The following RBFOX1 variants were observed in gnomAD, a reference collection of about 807,000 sequenced individuals.
RBFOX1 encodes RNA binding protein fox-1 homolog 1.
RBFOX1 carries 8 observed loss-of-function variants against 57.7 expected under a neutral mutation model. The observed-to-expected ratio is 0.14, with a 90% CI of 0.08 to 0.25. The LOEUF (loss-of-function observed/expected upper bound fraction) is 0.25, where lower values mean the gene tolerates loss of function less well. Among genes scored for constraint, RBFOX1 ranks in the 10% least tolerant of loss-of-function variants. The pLI, the probability that RBFOX1 is intolerant of heterozygous loss-of-function variation, is 1.00. For synonymous variants in RBFOX1, 326 were observed against 222.4 expected (o/e 1.47, Z -4.15); for missense variants, 611 against 548.5 (o/e 1.11, Z -1.14).
intron 3 of RBFOX1, among the ~76,000 whole-genome samples, chr16:5,650,627 A>G (rs1047383914): frequency 2.0e-5 from 3 of 152,330 alleles, no homozygotes; most frequent in Middle Eastern, 3.4e-3. Flanking sequence ...CCAGCTGCTT[A>G]GATAAACACC....
chr16:5,246,682 T>C (rs565911649), intron 1 of RBFOX1, among the ~76,000 whole-genome samples: 1 of 152,128 alleles, frequency 6.6e-6, no homozygotes, highest in Admixed American at 6.5e-5. Flanking sequence ...TCTTTCTTTT[T>C]TTTTTTTTGA....
intron 10 of RBFOX1, among the ~76,000 whole-genome samples, chr16:7,613,483 G>T (rs1189071966): frequency 2.0e-5 from 3 of 152,138 alleles, no homozygotes; most frequent in African/African-American, 7.2e-5. Flanking sequence ...CCTGGCCACG[G>T]ATCACATGAC....
At chr16:5,283,128 C>G (rs1183561132) in intron 1 of RBFOX1, among the ~76,000 whole-genome samples, 1 of 152,200 alleles carries the variant, frequency 6.6e-6, no homozygotes, top group Non-Finnish European at 1.5e-5. Flanking sequence ...GCAGCTTTCA[C>G]ATAGTGTTGA....
chr16:6,596,234 G>C (rs990849479), intron 2 of RBFOX1, among the ~76,000 whole-genome samples: 1 of 152,048 alleles, frequency 6.6e-6, no homozygotes, highest in Non-Finnish European at 1.5e-5. Context: ...TCTGGGAGTT[G>C]TATAGTATTA....
chr16:6,673,153 C>T (rs189647931), intron 3 of RBFOX1, among the ~76,000 whole-genome samples: 2 of 152,192 alleles, frequency 1.3e-5, no homozygotes, highest in East Asian at 1.9e-4. Context: ...TCAGTGATGT[C>T]TACACTTCCC....
intron 4 of RBFOX1, among the ~76,000 whole-genome samples, chr16:7,210,885 G>A (rs973848988): frequency 6.6e-6 from 1 of 151,698 alleles, no homozygotes; most frequent in Non-Finnish European, 1.5e-5. Context: ...TTTGCCAAAA[G>A]GGTAGATTCT....
intron 1 of RBFOX1, among the ~76,000 whole-genome samples, chr16:6,237,039 T>C (rs1224336957): frequency 6.6e-6 from 1 of 152,190 alleles, no homozygotes; most frequent in African/African-American, 2.4e-5. Flanking sequence ...GAATGTTTAA[T>C]GCAGATAATT....
At chr16:5,345,979 A>G (rs954422222) in intron 1 of RBFOX1, among the ~76,000 whole-genome samples, 9 of 152,170 alleles carry the variant, frequency 5.9e-5, no homozygotes, top group African/African-American at 2.2e-4. Flanking sequence ...TGCTTCCCCC[A>G]TGCTCATGGA....
chr16:5,761,464 G>T (rs1015626915), intron 3 of RBFOX1, among the ~76,000 whole-genome samples: 1 of 152,168 alleles, frequency 6.6e-6, no homozygotes, highest in Non-Finnish European at 1.5e-5. Context: ...TAAAGGAAAG[G>T]GGTTCAATTG....
intron 4 of RBFOX1, among the ~76,000 whole-genome samples, chr16:7,164,538 A>G (rs1274203873): frequency 6.6e-6 from 1 of 152,190 alleles, no homozygotes; most frequent in Non-Finnish European, 1.5e-5. Context: ...CAAACCAGAA[A>G]AGAGTAAAAT....
intron 3 of RBFOX1, among the ~76,000 whole-genome samples, chr16:5,751,985 T>C (rs747241598): frequency 1.2e-4 from 18 of 152,212 alleles, no homozygotes. Flanking sequence ...GTATGTTCAT[T>C]GTACACTATT....
chr16:5,876,855 C>A (rs1464814476), intron 4 of RBFOX1, among the ~76,000 whole-genome samples: 1 of 152,172 alleles, frequency 6.6e-6, no homozygotes, highest in Non-Finnish European at 1.5e-5. Context: ...TCCAAGGATT[C>A]ACCATGTTTT....
At chr16:6,814,247 T>TC (rs139177665) in intron 3 of RBFOX1, among the ~76,000 whole-genome samples, 174 of 99,394 alleles carry the variant, frequency 1.8e-3, no homozygotes, top group African/African-American at 5.8e-3. Flanking sequence ...GAGAAAATTG[T>TC]GGTGGGGGGG....
intron 3 of RBFOX1, among the ~76,000 whole-genome samples, chr16:6,711,646 C>G (rs1374313948): frequency 6.6e-6 from 1 of 152,166 alleles, no homozygotes; most frequent in Non-Finnish European, 1.5e-5. Context: ...CTCGAGGCTT[C>G]CCCATCCGTG....
intron 4 of RBFOX1, among the ~76,000 whole-genome samples, chr16:7,412,562 A>G (rs1449735716): frequency 6.6e-6 from 1 of 152,216 alleles, no homozygotes; most frequent in African/African-American, 2.4e-5. Flanking sequence ...GCCCACACAA[A>G]AAATATGGAC....
chr16:5,651,040 CTTTTTTTTTTTTTT>C (rs869240597), intron 3 of RBFOX1, among the ~76,000 whole-genome samples: 4 of 56,854 alleles, frequency 7.0e-5, no homozygotes, highest in Non-Finnish European at 8.9e-5. Flanking sequence ...CTACCTCCTT[CTTTTTTTTTTTTTT>C]TTTTTTTTTT....
chr16:5,671,772 A>C (rs1567376301), intron 3 of RBFOX1, among the ~76,000 whole-genome samples: 2 of 152,202 alleles, frequency 1.3e-5, no homozygotes, highest in Non-Finnish European at 2.9e-5. Flanking sequence ...AGAGGAGACT[A>C]TCCAGTGAAT....
At chr16:6,979,981 C>T (rs996698120) in intron 3 of RBFOX1, among the ~76,000 whole-genome samples, 4 of 152,056 alleles carry the variant, frequency 2.6e-5, no homozygotes, top group South Asian at 4.2e-4. Context: ...GAGTGGGTAC[C>T]TTCTAACACC....
At chr16:6,063,116 A>G (rs1424868857) in intron 1 of RBFOX1, among the ~76,000 whole-genome samples, 3 of 152,178 alleles carry the variant, frequency 2.0e-5, no homozygotes, top group Non-Finnish European at 4.4e-5. Context: ...GTTTGAGCAA[A>G]CAACGGGACA....
Sources: gnomAD v4.1 joint callset for allele counts (sites outside exome capture counted in the v4.1 genomes callset) on GRCh38, gnomAD v4.1.1 for gene constraint, MANE v1.5 for transcripts, NCBI Gene and HGNC (gene_info 2026-07-23, HGNC 2026-07-21) for gene names.